GDA: variants seen among roughly 807,000 people sequenced by gnomAD.
GDA encodes cytoplasmic PSD-95 interactor.
In GDA, 18 loss-of-function variants were observed where a neutral mutation model predicts 59.6. The observed-to-expected ratio is 0.30, with a 90% CI of 0.21 to 0.45. The LOEUF is 0.45. Among genes scored for constraint, GDA ranks in the 20% least tolerant of loss-of-function variants. GDA has a pLI of 1.00. For missense variants in GDA, 427 were observed against 552.3 expected, an observed-to-expected ratio of 0.77 and a Z score of 2.27; for synonymous variants, 201 against 201.1, an observed-to-expected ratio of 1.00 and a Z score of 0.00.
intron 1 of GDA, among the ~76,000 whole-genome samples, chr9:72,193,066 C>A (rs907412800): frequency 6.6e-6 from 1 of 152,116 alleles, no homozygotes; most frequent in Non-Finnish European, 1.5e-5. Context: ...TTCCTCAAAA[C>A]AAGTATTTTA....
chr9:72,247,423 C>T lies in GDA; in HGVS notation c.1284C>T (p.Phe428=), dbSNP rs1417387687. The change falls in exon 13 of 14, where the codon TTC becomes TTT. Residue 428 remains phenylalanine, a synonymous_variant. Transcript: ENST00000358399. ...CATTTTAGGCTGTTATCCAGAAGTT[C>T]CTCTATCTAGGTAGGTAGATGCATG... is the stretch of plus-strand genomic sequence containing the variant. ...GDISEAVIQK[F]LYLGDDRNIE... is the part of the protein sequence containing the mutation. 1.4e-6 allele frequency: 2 copies of T among 1,478,328 alleles called. No homozygotes were observed. Among genetic ancestry groups the T allele is most frequent in the Non-Finnish European group, 1.9e-6 (2 of 1,056,520 alleles). The allele number at this position is 1,478,328 out of a possible 1,614,324, so 91.6% of individuals were successfully genotyped here.
At chr9:72,163,035 C>G (rs748091774) in intron 1 of GDA, among the ~76,000 whole-genome samples, 1 of 152,062 alleles carries the variant, frequency 6.6e-6, no homozygotes, top group Non-Finnish European at 1.5e-5. Flanking sequence ...GCAAGACTTG[C>G]TGGAAGAGAT....
chr9:72,134,389 G>A (rs1032690455), intron 1 of GDA, among the ~76,000 whole-genome samples: 1 of 125,994 alleles, frequency 7.9e-6, no homozygotes, highest in African/African-American at 2.6e-5. Context: ...CTCCAGGAAG[G>A]CCTCCCCCGC....
intron 11 of GDA, among the ~76,000 whole-genome samples, chr9:72,242,636 A>AG (rs1587789661): frequency 6.6e-6 from 1 of 152,200 alleles, no homozygotes; most frequent in Admixed American, 6.5e-5. Flanking sequence ...GAACACCATA[A>AG]GCACATTTCA....
chr9:72,136,401 A>G (rs1466242339), intron 1 of GDA, among the ~76,000 whole-genome samples: 1 of 152,238 alleles, frequency 6.6e-6, no homozygotes, highest in Non-Finnish European at 1.5e-5. Flanking sequence ...TGCTTAATGC[A>G]GTGCCTGGGA....
intron 1 of GDA, among the ~76,000 whole-genome samples, chr9:72,138,101 C>T (rs980123108): frequency 1.3e-5 from 2 of 152,046 alleles, no homozygotes; most frequent in Non-Finnish European, 2.9e-5. Context: ...GGCATACCCC[C>T]GAGTCTGCTT....
At chr9:72,161,378 T>G (rs889538877) in intron 1 of GDA, among the ~76,000 whole-genome samples, 10 of 152,206 alleles carry the variant, frequency 6.6e-5, no homozygotes, top group Admixed American at 6.5e-4. Flanking sequence ...TGCTTGGATT[T>G]TTTTCACCAC....
chr9:72,116,335 C>T (rs988202140), intron 1 of GDA, among the ~76,000 whole-genome samples: 1 of 151,634 alleles, frequency 6.6e-6, no homozygotes. Context: ...TGCCTACTGA[C>T]CACATGCCAC....
intron 1 of GDA, among the ~76,000 whole-genome samples, chr9:72,117,518 T>C (rs1825496708): frequency 6.6e-6 from 1 of 152,134 alleles, no homozygotes. Flanking sequence ...CCATATGCAA[T>C]AGGGTGGCTT....
chr9:72,237,448 G>A (rs1344001833), intron 10 of GDA, among the ~76,000 whole-genome samples: 1 of 152,132 alleles, frequency 6.6e-6, no homozygotes, highest in Admixed American at 6.5e-5. Context: ...CTTCTCTGAA[G>A]GCTGATTCTC....
At chr9:72,254,947 G>A (rs75973180), downstream of GDA, among the ~76,000 whole-genome samples, 3,349 of 152,258 alleles carry the variant, frequency 0.022, 124 homozygotes, top group African/African-American at 0.075. Flanking sequence ...TTTGTAAAGC[G>A]CTTTGAAAAC....
At chr9:72,163,662 T>C (rs1828937136) in intron 1 of GDA, among the ~76,000 whole-genome samples, 1 of 151,988 alleles carries the variant, frequency 6.6e-6, no homozygotes, top group Non-Finnish European at 1.5e-5. Flanking sequence ...CTGGCTAATT[T>C]TTTGTATTTT....
upstream of GDA, among the ~76,000 whole-genome samples, chr9:72,146,507 C>T (rs77086360): frequency 2.9e-3 from 446 of 152,084 alleles, 4 homozygotes; most frequent in South Asian, 0.021. Context: ...TTGCCACCTC[C>T]GAGAGTGGAG....
upstream of GDA, chr9:72,149,414 C>A (rs947661328): frequency 4.3e-6 from 4 of 930,942 alleles, no homozygotes; most frequent in Admixed American, 3.0e-5. Context: ...TGCAGGGTAC[C>A]GGCAACCGCC....
intron 1 of GDA, among the ~76,000 whole-genome samples, chr9:72,122,634 T>TACACACACACACAC (rs112045510): frequency 2.0e-5 from 3 of 147,392 alleles, no homozygotes; most frequent in Admixed American, 6.8e-5. Flanking sequence ...TGTATACATT[T>TACACACACACACAC]ACACACACAC....
At position 72,250,535 on chromosome 9, in the gene GDA, C is replaced by A; in HGVS notation, c.*2193C>A. 1 of 1,420,630 alleles carries A rather than the reference C, an allele frequency of 7.0e-7. No homozygotes were observed. The highest frequency in any genetic ancestry group is 9.2e-7 in the Non-Finnish European group (1 of 1,089,508). The allele number at this position is 1,420,630 out of a possible 1,614,324, so 88.0% of individuals were successfully genotyped here. A position where few individuals can be genotyped will look rare whatever the true frequency, so the allele number is the denominator to read the frequency against. ...TTTGATCTCTCCACATCACTTATAA[C>A]TTATGTGTTTTATTTCTCCAAGTGC... On this transcript the variant is annotated 3_prime_UTR_variant, in exon 14 of 14. Coordinates refer to ENST00000358399, the MANE Select transcript of GDA (RefSeq NM_004293.5).
At chr9:72,192,807 G>A (rs13290949) in intron 1 of GDA, among the ~76,000 whole-genome samples, 5,024 of 151,856 alleles carry the variant, frequency 0.033, 106 homozygotes, top group Middle Eastern at 0.051. Flanking sequence ...TTGAACCCAC[G>A]AGGTGGAGGT....
At chr9:72,137,242 C>CTTTTTTTTT (rs143364725) in intron 1 of GDA, among the ~76,000 whole-genome samples, 3,110 of 84,432 alleles carry the variant, frequency 0.037, 10 homozygotes, top group Middle Eastern at 0.054. Context: ...TTCTTTTTTT[C>CTTTTTTTTT]TTTTTTTTTT....
At chr9:72,176,202 G>A (rs572476398) in intron 1 of GDA, among the ~76,000 whole-genome samples, 1 of 152,286 alleles carries the variant, frequency 6.6e-6, no homozygotes, top group East Asian at 1.9e-4. Context: ...TTAGCTGTTG[G>A]CAGGAATCCT....
Sources: allele counts gnomAD v4.1 joint callset (sites outside exome capture counted in the v4.1 genomes callset), GRCh38; gene constraint gnomAD v4.1.1; transcripts MANE v1.5; gene names NCBI Gene and HGNC (gene_info 2026-07-23, HGNC 2026-07-21).